NFATC1: variants seen among roughly 807,000 people sequenced by gnomAD.
The protein encoded by NFATC1 is nuclear factor of activated T cells 1.
Under a neutral mutation model 76.0 loss-of-function variants are expected in NFATC1, and 22 were observed. The observed-to-expected ratio is 0.29, with a 90% CI of 0.21 to 0.41. The LOEUF (loss-of-function observed/expected upper bound fraction) is 0.41, where lower values mean the gene tolerates loss of function less well. Ranked by LOEUF, NFATC1 falls within the 10% of genes least tolerant of loss-of-function variation. The pLI is 1.00. For synonymous variants in NFATC1, 704 were observed against 613.1 expected (o/e 1.15, Z -2.19); for missense variants, 1,357 against 1,337.7 (o/e 1.01, Z -0.23).
At position 79,527,866 on chromosome 18, in the gene NFATC1, G is replaced by A. The variant is rs768439449; in HGVS notation, c.*289G>A. 4 of 494,022 alleles carry A rather than the reference G, an allele frequency of 8.1e-6. No individual in the cohort carries two copies. Among genetic ancestry groups the A allele is most frequent in the South Asian group, 8.8e-5 (2 of 22,606 alleles). 30.6% of individuals were successfully genotyped at this position (494,022 alleles called of 1,614,324 possible). A position where few individuals can be genotyped will look rare whatever the true frequency, so the allele number is the denominator to read the frequency against. The stretch of plus-strand genomic sequence containing the variant: ...CCGTGCAGGGGCCTTTCATGGGAAC[G>A]GCCCACACGCAGTTTGACCCCACGC... On this transcript the variant is annotated 3_prime_UTR_variant, in exon 10 of 10. Transcript: ENST00000427363.
chr18:79,406,870 T>C (rs2085459645), intron 1 of NFATC1, among the ~76,000 whole-genome samples: 1 of 151,818 alleles, frequency 6.6e-6, no homozygotes, highest in African/African-American at 2.4e-5. Context: ...CCGCGGGTCT[T>C]CCGCAGCGCT....
intron 3 of NFATC1, among the ~76,000 whole-genome samples, chr18:79,441,723 G>A (rs1463586470): frequency 1.3e-5 from 2 of 152,122 alleles, no homozygotes; most frequent in Non-Finnish European, 2.9e-5. Flanking sequence ...GAAGGTTGCC[G>A]TTTCTCCCTT....
chr18:79,428,601 A>G (rs1387718699), intron 2 of NFATC1, among the ~76,000 whole-genome samples: 2 of 152,220 alleles, frequency 1.3e-5, no homozygotes, highest in Non-Finnish European at 2.9e-5. Flanking sequence ...CCAGCAGTAC[A>G]ATGAGGATGG....
chr18:79,489,550 G>A (rs113391862), intron 9 of NFATC1, among the ~76,000 whole-genome samples: 6,418 of 152,250 alleles, frequency 0.042, 420 homozygotes, highest in African/African-American at 0.14. Flanking sequence ...ACCTCTCCCC[G>A]CAGAGTGAGC....
At chr18:79,472,175 AACTGAGGTCCCCGTGCACAGATCCC>A in intron 8 of NFATC1, among the ~76,000 whole-genome samples, 1 of 152,188 alleles carries the variant, frequency 6.6e-6, no homozygotes, top group East Asian at 1.9e-4. Flanking sequence ...GCGGCTGTGA[AACTGAGGTCCCCGTGCACAGATCCC>A]ACCACCCAGG....
In NFATC1 at chr18:79,480,589, C is replaced by T. The variant is rs549250762; in HGVS notation, c.2093-5659C>T. On this transcript the variant is annotated intron_variant, in intron 8 of 9. Coordinates refer to ENST00000427363, the MANE Select transcript of NFATC1 (RefSeq NM_001278669.2). ...AAGAATCCAAGTGGCTGGAGAGATG[C>T]GGGGGTTAATGCCGGTACCACCGCG... Among the ~76,000 whole-genome samples the T allele has an allele frequency of 2.0e-3, 301 of 152,186 alleles. 1 individual carries two copies. The highest frequency in any genetic ancestry group is 6.9e-3 in the African/African-American group (285 of 41,526).
rs1198188656 is a variant in NFATC1 at position 79,486,906 on chromosome 18, T to A, written c.2751T>A (p.Pro917=). 2.5e-6 allele frequency: 4 copies of A among 1,605,420 alleles called. No individual in the cohort carries two copies. Among genetic ancestry groups the A allele is most frequent in the Non-Finnish European group, 3.4e-6 (4 of 1,175,618 alleles). Residue 917 remains proline, a synonymous_variant, in exon 9 of 10, where the codon CCT becomes CCA. Transcript: ENST00000427363. ...APIPVTVKRE[P]EELDQLYLDD... ...TTCCTGTAACGGTCAAGCGAGAGCC[T>A]GAAGAGTTGGACCAGTTGTACCTGG...
chr18:79,445,299 G>A (rs1420768828), intron 3 of NFATC1, among the ~76,000 whole-genome samples: 3 of 152,236 alleles, frequency 2.0e-5, no homozygotes, highest in Admixed American at 1.3e-4. Flanking sequence ...CTCTGCAGCA[G>A]TGGCTGCCGT....
intron 1 of NFATC1, among the ~76,000 whole-genome samples, chr18:79,407,689 C>T (rs986826845): frequency 6.6e-6 from 1 of 152,194 alleles, no homozygotes; most frequent in Non-Finnish European, 1.5e-5. Flanking sequence ...AGATGATCCG[C>T]CCACCTCGGC....
At chr18:79,400,143 G>A (rs2085139433) in intron 1 of NFATC1, 3 of 1,000,254 alleles carry the variant, frequency 3.0e-6, no homozygotes, top group South Asian at 8.9e-5. Flanking sequence ...GCGCGAGGGG[G>A]CGGGGGCGGG....
At position 79,433,714 on chromosome 18, in the gene NFATC1, G is replaced by A. The variant is rs758671503; in HGVS notation, c.1362G>A (p.Ser454=). Residue 454 remains serine (S), a synonymous_variant, in exon 3 of 10, where the codon TCG becomes TCA. Coordinates refer to ENST00000427363, the MANE Select transcript of NFATC1 (RefSeq NM_001278669.2). ...GCAGCCGGGGGGCCGTGAAGGCGTCGGCCGGAGGACACCCCATCGTGCAGG... is the reference window on the plus strand; with the variant it reads ...GCAGCCGGGGGGCCGTGAAGGCGTCAGCCGGAGGACACCCCATCGTGCAGG... ...TEGSRGAVKA[S]AGGHPIVQLH... 52 of 1,612,790 alleles carry A rather than the reference G, an allele frequency of 3.2e-5. No individual in the cohort carries two copies. Among genetic ancestry groups the A allele is most frequent in the South Asian group, 2.7e-4 (25 of 91,062 alleles).
intron 6 of NFATC1, among the ~76,000 whole-genome samples, chr18:79,458,020 G>A (rs868608328): frequency 7.9e-5 from 12 of 152,324 alleles, no homozygotes; most frequent in Admixed American, 2.0e-4. Flanking sequence ...GGAGATGATC[G>A]TGGAAAAGCC....
Position 79,410,686 on chromosome 18 carries a change from C to G in NFATC1, c.411C>G (p.His137Gln). Reference protein sequence around the residue: ...GLYHNNNQFFHDVEVEDVLPS... With the variant: ...GLYHNNNQFFQDVEVEDVLPS... ...ACCACAACAATAACCAGTTTTTCCA[C>G]GATGTGGAGGTGGAAGACGTCCTCC... Residue 137 changes from histidine to glutamine, a missense_variant, in exon 2 of 10, where the codon CAC (histidine) becomes CAG (glutamine). By Grantham distance (24) the His-to-Gln change is conservative. This residue lies in a region of NFATC1 where 691 missense variants were observed against 613.1 expected (regional missense o/e 1.13). Coordinates refer to ENST00000427363, the MANE Select transcript of NFATC1 (RefSeq NM_001278669.2). The surrounding 1 kb of genome is among the most constrained non-coding windows in gnomAD (Gnocchi z 6.7). 3 of 1,613,082 alleles carry G rather than the reference C, an allele frequency of 1.9e-6. No homozygotes were observed. The highest frequency in any genetic ancestry group is 2.5e-6 in the Non-Finnish European group (3 of 1,180,012).
intron 4 of NFATC1, among the ~76,000 whole-genome samples, chr18:79,449,302 C>T (rs2087356274): frequency 6.6e-6 from 1 of 152,212 alleles, no homozygotes; most frequent in South Asian, 2.1e-4. Context: ...ATGGTTAAAA[C>T]GTGAGCATCA....
intron 9 of NFATC1, among the ~76,000 whole-genome samples, chr18:79,489,688 C>A (rs1164279692): frequency 6.6e-6 from 1 of 152,160 alleles, no homozygotes; most frequent in Admixed American, 6.5e-5. Context: ...TCAGAGCAGA[C>A]CACACCCCAG....
chr18:79,434,940 G>A (rs1483774717), intron 3 of NFATC1, among the ~76,000 whole-genome samples: 1 of 152,206 alleles, frequency 6.6e-6, no homozygotes, highest in Admixed American at 6.5e-5. Flanking sequence ...GGAAATGCGG[G>A]AGACACCTGA....
At chr18:79,488,554 G>A (rs2089590100) in intron 9 of NFATC1, among the ~76,000 whole-genome samples, 1 of 152,180 alleles carries the variant, frequency 6.6e-6, no homozygotes, top group Non-Finnish European at 1.5e-5. Flanking sequence ...ATGTCGTCCT[G>A]AAGTTCTTAC....
At chr18:79,504,131 C>T (rs1216673469) in intron 9 of NFATC1, among the ~76,000 whole-genome samples, 2 of 152,064 alleles carry the variant, frequency 1.3e-5, no homozygotes, top group African/African-American at 4.8e-5. Context: ...CGGTGTTGTT[C>T]ACTAGGGCAG....
At chr18:79,508,007 G>A (rs2090156661) in intron 9 of NFATC1, among the ~76,000 whole-genome samples, 1 of 152,254 alleles carries the variant, frequency 6.6e-6, no homozygotes, top group African/African-American at 2.4e-5. Flanking sequence ...CCAGCGGGCT[G>A]TAAACTACCG....
Sources: allele counts gnomAD v4.1 joint callset (sites outside exome capture counted in the v4.1 genomes callset), GRCh38; gene constraint gnomAD v4.1.1; regional missense constraint gnomAD v4.1.1; non-coding constraint Gnocchi (gnomAD v3.1); transcripts MANE v1.5; gene names NCBI Gene and HGNC (gene_info 2026-07-23, HGNC 2026-07-21).